ATG4D: variants seen among roughly 807,000 people sequenced by gnomAD.
ATG4D encodes autophagy related 4D cysteine peptidase.
ATG4D carries 51 observed loss-of-function variants against 55.2 expected under a neutral mutation model. The ratio of observed to expected loss-of-function variants is 0.92; its 90% CI spans 0.74 to 1.17. The LOEUF is 1.17. ATG4D is among the 50% of genes most tolerant of loss of function. ATG4D has a pLI of 0.00. For synonymous variants in ATG4D, 268 were observed against 266.2 expected (o/e 1.01, Z -0.07); for missense variants, 635 against 649.6 (o/e 0.98, Z 0.25).
chr19:10,551,445 A>G (rs1323449782), intron 6 of ATG4D, among the ~76,000 whole-genome samples: 1 of 151,786 alleles, frequency 6.6e-6, no homozygotes, highest in Non-Finnish European at 1.5e-5. Flanking sequence ...CTGTAATCCC[A>G]GCACTTTAGG....
Position 10,544,311 on chromosome 19 carries a change from A to G in ATG4D, c.221A>G (p.Asn74Ser). ...KFKAKFLTAW[N>S]NVKYGWVVKS... ...AAGGCCAAGTTCCTGACAGCCTGGA[A>G]CAACGTCAAGTACGGTGAGGAGGGG... is the stretch of plus-strand genomic sequence containing the variant. Residue 74 changes from asparagine (N) to serine (S), a missense_variant, in exon 1 of 10, where the codon AAC becomes AGC. Physicochemically the swap from Asn to Ser is conservative, Grantham distance 46 (BLOSUM62 1). Transcript: ENST00000309469. 7.6e-7 allele frequency: 1 copy of G among 1,312,352 alleles called. No homozygotes were observed. The highest frequency in any genetic ancestry group is 9.8e-7 in the Non-Finnish European group (1 of 1,022,580). The allele number at this position is 1,312,352 out of a possible 1,614,324, so 81.3% of individuals were successfully genotyped here.
At chr19:10,552,168 GC>G in intron 8 of ATG4D, 36 bp from the exon 9 acceptor site, 1 of 1,609,912 alleles carries the variant, frequency 6.2e-7, no homozygotes, top group Non-Finnish European at 8.5e-7. Context: ...CGGGTGGGCA[GC>G]CCAGCCTCTG....
chr19:10,547,626 G>GAAAA (rs778363094), intron 5 of ATG4D, among the ~76,000 whole-genome samples: 2 of 49,242 alleles, frequency 4.1e-5, no homozygotes, highest in African/African-American at 7.5e-5. Flanking sequence ...GGATCCTGTC[G>GAAAA]AAAAAAAAAA....
chr19:10,549,929 T>C (rs1916168900), intron 6 of ATG4D, among the ~76,000 whole-genome samples: 2 of 152,020 alleles, frequency 1.3e-5, no homozygotes, highest in East Asian at 3.9e-4. Flanking sequence ...CTCAGGCCTA[T>C]AATCCCAGCA....
In ATG4D at chr19:10,552,315, G is replaced by A. The variant is rs1328367464; in HGVS notation, c.1233G>A (p.Glu411=). The change falls in exon 9 of 10, where the codon GAG becomes GAA. Residue 411 remains glutamate, a synonymous_variant. Transcript: ENST00000309469. ...DRKEFETLCS[E]LTRVLSSSSA... is the part of the protein sequence containing the mutation. ...AGGAGTTTGAGACACTCTGCTCAGA[G>A]CTGACCAGGGTGAGCAAGAGGAAAG... is the stretch of plus-strand genomic sequence containing the variant. 7.4e-6 allele frequency: 12 copies of A among 1,612,254 alleles called. No homozygotes were observed. Among genetic ancestry groups the A allele is most frequent in the Non-Finnish European group, 1.0e-5 (12 of 1,179,638 alleles).
intron 4 of ATG4D, 22 bp from the exon 5 acceptor site, chr19:10,547,167 A>G: frequency 1.9e-6 from 3 of 1,613,324 alleles, no homozygotes; most frequent in Non-Finnish European, 2.5e-6. Context: ...GCAGGCACTC[A>G]GGCCTTCCCT....
chr19:10,544,259 A>C lies in ATG4D; in HGVS notation c.169A>C (p.Ser57Arg). The C allele has an allele frequency of 7.9e-7, 1 of 1,267,602 alleles. No individual in the cohort carries two copies. The highest frequency in any genetic ancestry group is 1.0e-6 in the Non-Finnish European group (1 of 998,650). The allele number at this position is 1,267,602 out of a possible 1,614,324, so 78.5% of individuals were successfully genotyped here. ...PALGSPGAGP[S>R]EPDEVDKFKA... ...TCTTGGCTCTCCCGGGGCTGGCCCGAGTGAGCCGGACGAAGTGGACAAGTT... is the reference window on the plus strand; with the variant it reads ...TCTTGGCTCTCCCGGGGCTGGCCCGCGTGAGCCGGACGAAGTGGACAAGTT... Residue 57 changes from serine (S) to arginine (R), a missense_variant, in exon 1 of 10, where the codon AGT becomes CGT. Transcript: ENST00000309469.
chr19:10,548,113 C>T (rs1916106975), intron 5 of ATG4D, among the ~76,000 whole-genome samples: 1 of 140,624 alleles, frequency 7.1e-6, no homozygotes, highest in Admixed American at 8.0e-5. Context: ...TCACTGCAAC[C>T]TCCGCCTCCT....
At position 10,553,143 on chromosome 19, in the gene ATG4D, T is replaced by G. The variant is rs995773889; in HGVS notation, c.*76T>G. On this transcript the variant is annotated 3_prime_UTR_variant, in exon 10 of 10. Coordinates refer to ENST00000309469, the MANE Select transcript of ATG4D (RefSeq NM_032885.6). ...TCATGTCGGGTGTGGGATCTTGAGC[T>G]CTGGCAGTGATGATGGTACTTCCTG... 2.7e-5 allele frequency: 40 copies of G among 1,461,030 alleles called. No individual in the cohort carries two copies. The highest frequency in any genetic ancestry group is 3.6e-5 in the Non-Finnish European group (40 of 1,100,620). 90.5% of individuals were successfully genotyped at this position (1,461,030 alleles called of 1,614,324 possible).
intron 9 of ATG4D, 23 bp from the exon 10 acceptor site, chr19:10,552,862 C>G: frequency 6.3e-7 from 1 of 1,592,398 alleles, no homozygotes; most frequent in Non-Finnish European, 8.6e-7. Context: ...TTGTGGCTGA[C>G]CCTGTCTCCC....
chr19:10,549,161 T>C, intron 6 of ATG4D, 127 bp downstream of exon 6: 1 of 1,291,062 alleles, frequency 7.7e-7, no homozygotes, highest in Non-Finnish European at 1.1e-6. Context: ...TTCGCTCTTG[T>C]TGCCCAGGCT....
rs1348748743 is a variant in ATG4D, at chr19:10,544,042, C to T, written c.-49C>T. The stretch of plus-strand genomic sequence containing the variant: ...GCTGCGGGTCGCCCTTGGGGGGCAG[C>T]GGCCGCAGCCCCCCACCTGGGCCCT... On this transcript the variant is annotated 5_prime_UTR_variant, in exon 1 of 10. Transcript: ENST00000309469. 1 of 1,198,394 alleles carries T rather than the reference C, an allele frequency of 8.3e-7. No individual in the cohort carries two copies. The allele number at this position is 1,198,394 out of a possible 1,614,324, so 74.2% of individuals were successfully genotyped here. A position where few individuals can be genotyped will look rare whatever the true frequency, so the allele number is the denominator to read the frequency against.
At position 10,545,050 on chromosome 19, in the gene ATG4D, C is replaced by T. The variant is rs1311872290; in HGVS notation, c.413C>T (p.Ser138Leu). ...FPPLPGGCLT[S>L]DCGWGCMLRS... ...CCCCTTCCTGGGGGCTGCCTGACCTCGGACTGTGGCTGGGGGTGCATGTTA... is the reference window on the plus strand; with the variant it reads ...CCCCTTCCTGGGGGCTGCCTGACCTTGGACTGTGGCTGGGGGTGCATGTTA... Residue 138 changes from serine (S) to leucine (L), a missense_variant, in exon 3 of 10, where the codon TCG (serine) becomes TTG (leucine). By Grantham distance (145) the Ser-to-Leu change is moderately radical. Transcript: ENST00000309469. 1.2e-6 allele frequency: 2 copies of T among 1,613,458 alleles called. No homozygotes were observed. The highest frequency in any genetic ancestry group is 2.2e-5 in the East Asian group (1 of 44,884).
chr19:10,552,181 G>C, intron 8 of ATG4D, 24 bp from the exon 9 acceptor site: 1 of 1,610,804 alleles, frequency 6.2e-7, no homozygotes, highest in Non-Finnish European at 8.5e-7. Flanking sequence ...CAGCCTCTGA[G>C]CCTTCCTCGT....
chr19:10,547,072 G>A lies in ATG4D; in HGVS notation c.727G>A (p.Ala243Thr). 1 of 1,594,070 alleles carries A rather than the reference G, an allele frequency of 6.3e-7. No homozygotes were observed. The highest frequency in any genetic ancestry group is 8.5e-7 in the Non-Finnish European group (1 of 1,171,900). Reference protein sequence around the residue: ...VELGQSSGKKAGDWYGPSLVA... With the variant: ...VELGQSSGKKTGDWYGPSLVA... ...GCTTGGGCAGAGCTCAGGCAAGAAG[G>A]CAGGTGACTGGTATGGGCCATCGCT... Residue 243 changes from alanine (A) to threonine (T), a missense_variant, in exon 4 of 10, where the codon GCA becomes ACA. Ala to Thr is a moderately conservative substitution (Grantham distance 58). Transcript: ENST00000309469.
intron 6 of ATG4D, among the ~76,000 whole-genome samples, chr19:10,549,964 T>A (rs562966625): frequency 6.6e-6 from 1 of 152,124 alleles, no homozygotes; most frequent in South Asian, 2.1e-4. Context: ...GGCAGGAGGA[T>A]CATTTGAGAC....
rs202100167 is a variant in ATG4D, at chr19:10,552,937, A to C, written c.1295A>C (p.Glu432Ala). 2 of 1,613,688 alleles carry C rather than the reference A, an allele frequency of 1.2e-6. No homozygotes were observed. Among genetic ancestry groups the C allele is most frequent in the Non-Finnish European group, 1.7e-6 (2 of 1,179,948 alleles). Reference sequence around the variant, plus strand: ...CGGTACCCCATGTTCACCCTGGCCGAGGGCCATGCTCAGGACCACAGCCTG... The same window carrying C: ...CGGTACCCCATGTTCACCCTGGCCGCGGGCCATGCTCAGGACCACAGCCTG... The part of the protein sequence containing the change: ...TERYPMFTLA[E>A]GHAQDHSLDD... Residue 432 changes from glutamate (E) to alanine (A), a missense_variant, in exon 10 of 10, where the codon GAG becomes GCG. Physicochemically the swap from Glu to Ala is moderately radical, Grantham distance 107. Coordinates refer to ENST00000309469, the MANE Select transcript of ATG4D (RefSeq NM_032885.6).
intron 6 of ATG4D, 75 bp downstream of exon 6, chr19:10,549,109 G>A (rs1300990133): frequency 6.5e-7 from 1 of 1,549,742 alleles, no homozygotes; most frequent in African/African-American, 1.4e-5. Context: ...TAGGGCTGCT[G>A]TTTGTGCAGC....
At position 10,552,268 on chromosome 19, in the gene ATG4D, G is replaced by A; in HGVS notation, c.1186G>A (p.Gly396Ser). 1 of 1,613,744 alleles carries A rather than the reference G, an allele frequency of 6.2e-7. No individual in the cohort carries two copies. Among genetic ancestry groups the A allele is most frequent in the Non-Finnish European group, 8.5e-7 (1 of 1,180,026 alleles). Residue 396 changes from glycine (G) to serine (S), a missense_variant, in exon 9 of 10, where the codon GGC (glycine) becomes AGC (serine). Physicochemically the swap from Gly to Ser is moderately conservative, Grantham distance 56 (BLOSUM62 0). Transcript: ENST00000309469. Reference protein sequence around the residue: ...FAKMDPSCTVGFYAGDRKEFE... With the variant: ...FAKMDPSCTVSFYAGDRKEFE... ...CAAGATGGACCCAAGCTGTACCGTG[G>A]GCTTCTATGCTGGAGACAGGAAGGA...
Sources: gnomAD v4.1 joint callset for allele counts (sites outside exome capture counted in the v4.1 genomes callset) on GRCh38, gnomAD v4.1.1 for gene constraint, MANE v1.5 for transcripts, NCBI Gene and HGNC (gene_info 2026-07-23, HGNC 2026-07-21) for gene names.